The following MYH15 variants were observed in gnomAD, a reference collection of about 807,000 sequenced individuals.
The protein encoded by MYH15 is myosin-15.
A neutral mutation model predicts 240.5 loss-of-function variants in MYH15; 227 were observed. The ratio of observed to expected loss-of-function variants is 0.94; its 90% CI spans 0.85 to 1.05. The LOEUF is 1.05. Among genes scored for constraint, MYH15 ranks in the 50% least tolerant of loss-of-function variants. The probability of loss-of-function intolerance (pLI) is 0.00; values close to 1 mark genes in which losing one functional copy is unlikely to be tolerated. For missense variants in MYH15, 2,217 were observed against 2,247.5 expected (o/e 0.99, Z 0.27); for synonymous variants, 785 against 796.7 (o/e 0.99, Z 0.25).
intron 35 of MYH15, among the ~76,000 whole-genome samples, chr3:108,398,337 C>T (rs1455474388): frequency 6.6e-6 from 1 of 152,192 alleles, no homozygotes; most frequent in Admixed American, 6.5e-5. Context: ...GAAGGATTTC[C>T]CTACAGGTTT....
At chr3:108,520,128 G>T (rs577906995) in intron 1 of MYH15, among the ~76,000 whole-genome samples, 11 of 152,240 alleles carry the variant, frequency 7.2e-5, no homozygotes, top group Admixed American at 2.0e-4. Context: ...TTTAAGTCTA[G>T]CAGGGACCAA....
intron 1 of MYH15, among the ~76,000 whole-genome samples, chr3:108,524,723 C>T (rs1338523257): frequency 6.6e-6 from 1 of 151,922 alleles, no homozygotes; most frequent in African/African-American, 2.4e-5. Context: ...AACAGAAAAA[C>T]CTCAAAATAA....
At chr3:108,460,425 A>G (rs2083062635) in intron 16 of MYH15, 58 bp from the exon 17 acceptor site, 2 of 1,375,614 alleles carry the variant, frequency 1.5e-6, no homozygotes, top group Non-Finnish European at 2.0e-6. Context: ...TTTTTATCAC[A>G]TTATCCTACC....
At chr3:108,417,609 C>A (rs2107552455) in intron 28 of MYH15, among the ~76,000 whole-genome samples, 1 of 152,134 alleles carries the variant, frequency 6.6e-6, no homozygotes, top group East Asian at 1.9e-4. Flanking sequence ...GGGAGAAATT[C>A]TATCATACTC....
chr3:108,467,968 C>CTT (rs371855484), intron 14 of MYH15, among the ~76,000 whole-genome samples: 8 of 143,332 alleles, frequency 5.6e-5, no homozygotes, highest in South Asian at 2.2e-4. Context: ...TTGATATAAA[C>CTT]TTTTTTTTTT....
intron 9 of MYH15, among the ~76,000 whole-genome samples, chr3:108,488,409 G>A (rs2083321785): frequency 6.6e-6 from 1 of 152,152 alleles, no homozygotes; most frequent in East Asian, 1.9e-4. Context: ...CCAGGCTCAA[G>A]TGATCCTCCC....
chr3:108,529,291 T>C (rs755680487), exon 1 of MYH15: 15 of 1,588,222 alleles, frequency 9.4e-6, no homozygotes, highest in African/African-American at 1.3e-5. Flanking sequence ...ATGAGGTAAA[T>C]ACAATTAAAA....
At chr3:108,435,931 A>C (rs2082830912) in intron 25 of MYH15, among the ~76,000 whole-genome samples, 1 of 151,958 alleles carries the variant, frequency 6.6e-6, no homozygotes, top group Admixed American at 6.6e-5. Context: ...GCTATTGTGA[A>C]TAATGTGGCA....
At chr3:108,393,008 G>T (rs538620768) in intron 36 of MYH15, among the ~76,000 whole-genome samples, 2 of 152,258 alleles carry the variant, frequency 1.3e-5, no homozygotes, top group South Asian at 4.1e-4. Flanking sequence ...AGAGGGGGCT[G>T]GATTCTACAA....
intron 21 of MYH15, among the ~76,000 whole-genome samples, chr3:108,452,826 A>G (rs546546719): frequency 6.6e-6 from 1 of 152,176 alleles, no homozygotes; most frequent in Non-Finnish European, 1.5e-5. Flanking sequence ...CAGAAAAAAA[A>G]TATTGAGTTG....
chr3:108,439,077 T>A (rs1001985032), intron 24 of MYH15, among the ~76,000 whole-genome samples: 1 of 151,948 alleles, frequency 6.6e-6, no homozygotes, highest in African/African-American at 2.4e-5. Flanking sequence ...CTAACCACTC[T>A]TGTCAACAAT....
At chr3:108,428,378 A>G in intron 27 of MYH15, 114 bp downstream of exon 27, 1 of 1,273,850 alleles carries the variant, frequency 7.9e-7, no homozygotes, top group South Asian at 1.5e-5. Flanking sequence ...AGTCTTCATT[A>G]GAAAATACAC....
chr3:108,488,217 G>T (rs2083320476), intron 9 of MYH15, among the ~76,000 whole-genome samples: 1 of 152,022 alleles, frequency 6.6e-6, no homozygotes, highest in Non-Finnish European at 1.5e-5. Context: ...GAGATCATGT[G>T]GTATTTGTCT....
upstream of MYH15, among the ~76,000 whole-genome samples, chr3:108,533,843 A>G (rs1351152011): frequency 6.6e-6 from 1 of 152,240 alleles, no homozygotes; most frequent in Non-Finnish European, 1.5e-5. Flanking sequence ...AGCAAGTTCA[A>G]CAAGGTGAAA....
the MYH15 span, among the ~76,000 whole-genome samples, chr3:108,541,861 T>C: frequency 6.6e-6 from 1 of 152,172 alleles, no homozygotes; most frequent in Non-Finnish European, 1.5e-5. Flanking sequence ...ATTTCCTAAA[T>C]ATCACATAGT....
At chr3:108,418,655 G>A (rs990463236) in intron 28 of MYH15, among the ~76,000 whole-genome samples, 1 of 149,340 alleles carries the variant, frequency 6.7e-6, no homozygotes, top group Non-Finnish European at 1.5e-5. Context: ...TTTTTTGACA[G>A]AGTTTTACTC....
chr3:108,399,250 G>A lies in MYH15; in HGVS notation c.4754C>T (p.Thr1585Ile). Reference protein sequence around the residue: ...IENFRRKQQCTIDSLQSSLDS... With the variant: ...IENFRRKQQCIIDSLQSSLDS... Reference sequence around the variant, plus strand: ...CAGACTAGACTGCAGGGAGTCAATGGTACACTGCTGCTTCCTCCTAATTTG... The same window carrying A: ...CAGACTAGACTGCAGGGAGTCAATGATACACTGCTGCTTCCTCCTAATTTG... Residue 1585 changes from threonine (T) to isoleucine (I), a missense_variant, in exon 34 of 41, where the codon ACC (threonine) becomes ATC (isoleucine). Coordinates refer to ENST00000693548, the MANE Select transcript of MYH15 (RefSeq NM_014981.3). The A allele has an allele frequency of 2.5e-6, 4 of 1,612,712 alleles. No individual in the cohort carries two copies. The highest frequency in any genetic ancestry group is 3.4e-6 in the Non-Finnish European group (4 of 1,179,062).
upstream of MYH15, among the ~76,000 whole-genome samples, chr3:108,530,189 T>A (rs541343755): frequency 7.9e-5 from 12 of 152,270 alleles, no homozygotes; most frequent in African/African-American, 2.6e-4. Context: ...CTAGCAAAAC[T>A]TAAAAATCCA....
At chr3:108,463,335 G>C in intron 15 of MYH15, 92 bp from the exon 16 acceptor site, 1 of 1,315,976 alleles carries the variant, frequency 7.6e-7, no homozygotes. Context: ...TTTTTTTTGA[G>C]ACAGGGTCTC....
Sources: allele counts gnomAD v4.1 joint callset (sites outside exome capture counted in the v4.1 genomes callset), GRCh38; gene constraint gnomAD v4.1.1; transcripts MANE v1.5; gene names NCBI Gene and HGNC (gene_info 2026-07-23, HGNC 2026-07-21).